TRERF1: variants seen among roughly 807,000 people sequenced by gnomAD.
TRERF1 encodes transcriptional-regulating factor 1.
A neutral mutation model predicts 122.9 loss-of-function variants in TRERF1; 27 were observed. That is an observed-to-expected ratio of 0.22 (90% CI 0.16 to 0.30). The LOEUF is 0.30. Ranked by LOEUF, TRERF1 falls within the 10% of genes least tolerant of loss-of-function variation. TRERF1 has a pLI of 1.00. For missense variants in TRERF1, 1,248 were observed against 1,560.3 expected (o/e 0.80, Z 3.37); for synonymous variants, 636 against 641.7 (o/e 0.99, Z 0.13).
At chr6:42,362,079 T>G (rs1771873606) in intron 3 of TRERF1, among the ~76,000 whole-genome samples, 1 of 152,080 alleles carries the variant, frequency 6.6e-6, no homozygotes, top group South Asian at 2.1e-4. Context: ...TGGCCCTGGG[T>G]GCTTCAGCAT....
intron 3 of TRERF1, among the ~76,000 whole-genome samples, chr6:42,305,226 G>A (rs115326932): frequency 0.01 from 1,553 of 152,220 alleles, 35 homozygotes; most frequent in African/African-American, 0.035. Flanking sequence ...CCATCACCCT[G>A]CCTCCTTACA....
chr6:42,398,258 C>T (rs1333245465), intron 2 of TRERF1, among the ~76,000 whole-genome samples: 1 of 152,148 alleles, frequency 6.6e-6, no homozygotes, highest in Non-Finnish European at 1.5e-5. Context: ...TCCAACCCTA[C>T]CCCCAAAGTG....
intron 2 of TRERF1, among the ~76,000 whole-genome samples, chr6:42,401,769 T>C (rs773474788): frequency 3.3e-5 from 5 of 152,164 alleles, no homozygotes; most frequent in Non-Finnish European, 5.9e-5. Flanking sequence ...GTCTTGTCTT[T>C]TCAGTTCTTC....
intron 2 of TRERF1, among the ~76,000 whole-genome samples, chr6:42,364,811 T>C (rs1412008368): frequency 6.6e-6 from 1 of 151,872 alleles, no homozygotes; most frequent in Non-Finnish European, 1.5e-5. Context: ...CATCCATCTG[T>C]AAGGGGAGGA....
At chr6:42,422,757 T>C (rs1314526581) in intron 2 of TRERF1, among the ~76,000 whole-genome samples, 1 of 151,972 alleles carries the variant, frequency 6.6e-6, no homozygotes, top group South Asian at 2.1e-4. Flanking sequence ...CCGTCCAGGA[T>C]GGCCATGATC....
chr6:42,324,584 C>A (rs908512981), intron 3 of TRERF1, among the ~76,000 whole-genome samples: 1 of 151,974 alleles, frequency 6.6e-6, no homozygotes, highest in Non-Finnish European at 1.5e-5. Flanking sequence ...AAGAGAAAAC[C>A]CAGAAATAAA....
At chr6:42,415,167 A>T (rs1435956300) in intron 2 of TRERF1, among the ~76,000 whole-genome samples, 1 of 152,110 alleles carries the variant, frequency 6.6e-6, no homozygotes, top group African/African-American at 2.4e-5. Flanking sequence ...GGGTCTTTTC[A>T]TATATTTAAG....
intron 15 of TRERF1, among the ~76,000 whole-genome samples, chr6:42,240,474 A>G (rs1199183297): frequency 6.6e-6 from 1 of 152,180 alleles, no homozygotes. Context: ...CAAGCCTAGG[A>G]GCAAAGCCTA....
rs1258772409 is a variant in TRERF1 at position 42,269,231 on chromosome 6, G to A, written c.360C>T (p.Tyr120=). ...CGCTGGCCTGGGAGTAGGTGTATTGGTAGCCATCAGTGGGCTCAGCCTGGG... is the reference window on the plus strand; with the variant it reads ...CGCTGGCCTGGGAGTAGGTGTATTGATAGCCATCAGTGGGCTCAGCCTGGG... The change falls in exon 5 of 18, where the codon TAC becomes TAT. Residue 120 remains tyrosine, a synonymous_variant. Transcript: ENST00000372922. The surrounding 1 kb of genome is among the most constrained non-coding windows in gnomAD (Gnocchi z 4.9). The A allele has an allele frequency of 6.2e-7, 1 of 1,614,222 alleles. No homozygotes were observed. Among genetic ancestry groups the A allele is most frequent in the South Asian group, 1.1e-5 (1 of 91,086 alleles).
chr6:42,350,060 A>G (rs1769108568), intron 3 of TRERF1, among the ~76,000 whole-genome samples: 1 of 152,122 alleles, frequency 6.6e-6, no homozygotes, highest in Non-Finnish European at 1.5e-5. Flanking sequence ...ACAGATACAT[A>G]CTAGATTGAT....
chr6:42,438,033 C>T (rs560520683), intron 2 of TRERF1, among the ~76,000 whole-genome samples: 20 of 151,918 alleles, frequency 1.3e-4, no homozygotes, highest in African/African-American at 1.9e-4. Flanking sequence ...GCGATTCTCC[C>T]GCCCCAGCCT....
chr6:42,339,723 C>G (rs1448361113), intron 3 of TRERF1, among the ~76,000 whole-genome samples: 1 of 152,094 alleles, frequency 6.6e-6, no homozygotes, highest in East Asian at 1.9e-4. Flanking sequence ...AGACAACAGG[C>G]CCTGAACAAG....
chr6:42,287,596 AACTCCTTTCTCTTC>A (rs1192505477), intron 4 of TRERF1, among the ~76,000 whole-genome samples: 2 of 151,946 alleles, frequency 1.3e-5, no homozygotes, highest in African/African-American at 4.8e-5. Flanking sequence ...CCCCTGCCCT[AACTCCTTTCTCTTC>A]ACTTAACTGA....
chr6:42,276,273 TCCG>T lies in TRERF1; in HGVS notation c.-258-6428_-258-6426del, dbSNP rs1781127202. Among the ~76,000 whole-genome samples the T allele has an allele frequency of 1.3e-5, 2 of 152,346 alleles. No homozygotes were observed. Among genetic ancestry groups the T allele is most frequent in the Non-Finnish European group, 2.9e-5 (2 of 68,034 alleles). On this transcript the variant is annotated intron_variant, in intron 4 of 17. Coordinates refer to ENST00000372922, the Ensembl canonical transcript of TRERF1. This position sits in a 1 kb window ranked among gnomAD's most constrained non-coding sequence, Gnocchi z 4.3. ...GAGGAAGTTGACTTTGGCGGAGGTC[TCCG>T]CAGGACTTGTTTGCTTACAATTCAG...
intron 8 of TRERF1, among the ~76,000 whole-genome samples, chr6:42,262,599 GACAGACAGACGGAA>G (rs1417190158): frequency 6.9e-6 from 1 of 143,888 alleles, no homozygotes; most frequent in African/African-American, 2.6e-5. Flanking sequence ...GAGAGAGAGA[GACAGACAGACGGAA>G]ACCCTTCCCA....
chr6:42,380,074 G>C (rs183764907), intron 2 of TRERF1, among the ~76,000 whole-genome samples: 4 of 152,354 alleles, frequency 2.6e-5, no homozygotes, highest in Non-Finnish European at 5.9e-5. Context: ...TCTGGGGGAA[G>C]AGTGGAGTCA....
chr6:42,251,416 A>G (rs1468091896), intron 13 of TRERF1, among the ~76,000 whole-genome samples: 1 of 152,068 alleles, frequency 6.6e-6, no homozygotes, highest in Non-Finnish European at 1.5e-5. Flanking sequence ...AGGTTGAGTA[A>G]TTTTTTGGGG....
At chr6:42,359,697 C>CTGG (rs1220713794) in intron 3 of TRERF1, among the ~76,000 whole-genome samples, 1 of 152,172 alleles carries the variant, frequency 6.6e-6, no homozygotes, top group Non-Finnish European at 1.5e-5. Context: ...ACACTCTAGC[C>CTGG]TGGTGACAGA....
chr6:42,417,271 C>T (rs551822661), intron 2 of TRERF1, among the ~76,000 whole-genome samples: 41 of 152,078 alleles, frequency 2.7e-4, no homozygotes, highest in African/African-American at 9.9e-4. Context: ...TCAGTGGAGG[C>T]CCTTCTAATT....
Sources: allele counts gnomAD v4.1 joint callset (sites outside exome capture counted in the v4.1 genomes callset), GRCh38; gene constraint gnomAD v4.1.1; non-coding constraint Gnocchi (gnomAD v3.1); transcripts MANE v1.5; gene names NCBI Gene and HGNC (gene_info 2026-07-23, HGNC 2026-07-21).